Variants in UPF2 observed in about 807,000 individuals in gnomAD.
UPF2 encodes the protein UPF2 regulator of nonsense mediated mRNA decay.
Under a neutral mutation model 141.4 loss-of-function variants are expected in UPF2, and 17 were observed. That is an observed-to-expected ratio of 0.12 (90% CI 0.08 to 0.18). UPF2 has a LOEUF of 0.18. Ranked by LOEUF, UPF2 falls within the 10% of genes least tolerant of loss-of-function variation. UPF2 has a pLI of 1.00. For synonymous variants in UPF2, 540 were observed against 498.0 expected, an observed-to-expected ratio of 1.08 and a Z score of -1.12; for missense variants, 1,152 against 1,515.9, an observed-to-expected ratio of 0.76 and a Z score of 3.99.
In UPF2 at chr10:12,029,003, T is replaced by A; in HGVS notation, c.887A>T (p.Asn296Ile). The A allele has an allele frequency of 1.2e-6, 2 of 1,614,198 alleles. No homozygotes were observed. The highest frequency in any genetic ancestry group is 8.5e-7 in the Non-Finnish European group (1 of 1,180,040). Reference protein sequence around the residue: ...LIYEQLKNIINADRESHTHVS... With the variant: ...LIYEQLKNIIIADRESHTHVS... Reference sequence around the variant, plus strand: ...ATGAGTGTGGGACTCCCGATCAGCATTAATAATATTTTTTAGCTGTTCATA... The same window carrying A: ...ATGAGTGTGGGACTCCCGATCAGCAATAATAATATTTTTTAGCTGTTCATA... Residue 296 changes from asparagine to isoleucine, a missense_variant, in exon 3 of 22, where the codon AAT becomes ATT. Coordinates refer to ENST00000357604, the MANE Select transcript of UPF2 (RefSeq NM_015542.4).
In UPF2 at chr10:11,927,373, T is replaced by C. The variant is rs141582162; in HGVS notation, c.3809+2492A>G. ...TCAAGATATTATGCTGGTGCAAAAG[T>C]AATTGCAGTTTTTCCCATTACTTTT... On this transcript the variant is annotated intron_variant, in intron 21 of 21. Coordinates refer to ENST00000357604, the MANE Select transcript of UPF2 (RefSeq NM_015542.4). Among the ~76,000 whole-genome samples, 701 of 152,352 alleles carry C rather than the reference T, an allele frequency of 4.6e-3. 17 individuals are homozygous for C. Among genetic ancestry groups the C allele is most frequent in the East Asian group, 0.011 (55 of 5,190 alleles).
chr10:11,999,236 G>A (rs1252903783), intron 7 of UPF2, among the ~76,000 whole-genome samples: 1 of 152,012 alleles, frequency 6.6e-6, no homozygotes, highest in East Asian at 1.9e-4. Context: ...AACATCGGCC[G>A]GGTATGGTGG....
At chr10:12,003,663 C>T (rs986361496) in intron 5 of UPF2, among the ~76,000 whole-genome samples, 3 of 152,128 alleles carry the variant, frequency 2.0e-5, no homozygotes, top group African/African-American at 4.8e-5. Context: ...CGGTGGCTCA[C>T]GCCTGTAATC....
At position 11,959,606 on chromosome 10, in the gene UPF2, A is replaced by G. The variant is rs1833209145; in HGVS notation, c.2185-250T>C. On this transcript the variant is annotated intron_variant, in intron 11 of 21. Transcript: ENST00000357604. This position sits in a 1 kb window ranked among gnomAD's most constrained non-coding sequence, Gnocchi z 5.9. ...GAAACCCCATCTCTACAAAAGATAC[A>G]AAAATTAGCCAGGTGTGGTGGCGCA... Among the ~76,000 whole-genome samples the G allele has an allele frequency of 6.6e-6, 1 of 152,092 alleles. No individual in the cohort carries two copies. The highest frequency in any genetic ancestry group is 6.5e-5 in the Admixed American group (1 of 15,270).
chr10:11,946,323 A>G (rs1174604418), intron 16 of UPF2, among the ~76,000 whole-genome samples: 3 of 152,226 alleles, frequency 2.0e-5, no homozygotes, highest in African/African-American at 7.2e-5. Flanking sequence ...AACTTTAATC[A>G]CCTTAAATTA....
chr10:12,032,335 T>C (rs1834540294), intron 2 of UPF2, among the ~76,000 whole-genome samples: 1 of 151,396 alleles, frequency 6.6e-6, no homozygotes, highest in African/African-American at 2.4e-5. Context: ...AGAAAGTATG[T>C]ACATACATTA....
chr10:12,018,000 C>T (rs1156503245), intron 3 of UPF2, among the ~76,000 whole-genome samples: 1 of 152,162 alleles, frequency 6.6e-6, no homozygotes, highest in African/African-American at 2.4e-5. Flanking sequence ...AGTATGACTT[C>T]TGTTATATAT....
intron 1 of UPF2, among the ~76,000 whole-genome samples, chr10:12,041,926 C>T (rs929326044): frequency 1.3e-5 from 2 of 152,170 alleles, no homozygotes; most frequent in African/African-American, 4.8e-5. Context: ...GGTCCGATCA[C>T]CCCAGCGTGG....
At chr10:12,036,181 A>G (rs11814946) in intron 1 of UPF2, among the ~76,000 whole-genome samples, 2 of 152,206 alleles carry the variant, frequency 1.3e-5, no homozygotes, top group Admixed American at 6.5e-5. Context: ...CACCATTGAC[A>G]GTTTGGGCAA....
intron 3 of UPF2, among the ~76,000 whole-genome samples, chr10:12,028,269 T>C (rs1834455072): frequency 6.6e-6 from 1 of 152,206 alleles, no homozygotes. Context: ...ATTTTGTGCA[T>C]TATTTCCCAA....
chr10:11,960,860 G>C (rs1833228708), intron 11 of UPF2, among the ~76,000 whole-genome samples: 1 of 152,056 alleles, frequency 6.6e-6, no homozygotes, highest in Admixed American at 6.6e-5. Context: ...GGGAGGCCAA[G>C]ACAAGAGGAT....
chr10:11,961,145 G>C (rs903950932), intron 11 of UPF2, among the ~76,000 whole-genome samples: 1 of 151,678 alleles, frequency 6.6e-6, no homozygotes, highest in Non-Finnish European at 1.5e-5. Flanking sequence ...ACTATGGCAG[G>C]TGCGGGAAAC....
chr10:11,981,638 AC>A (rs1479897169), intron 8 of UPF2, among the ~76,000 whole-genome samples: 1 of 152,176 alleles, frequency 6.6e-6, no homozygotes, highest in African/African-American at 2.4e-5. Flanking sequence ...AGTAGGTCCC[AC>A]CACTCTCTAA....
rs796235762 is a variant in UPF2 at position 11,921,270 on chromosome 10, A to G, written c.*28T>C. On this transcript the variant is annotated 3_prime_UTR_variant, in exon 22 of 22. Transcript: ENST00000357604. This position sits in a 1 kb window ranked among gnomAD's most constrained non-coding sequence, Gnocchi z 5.9. ...CACTAACCACAACATCAGATACAGG[A>G]CCTAATGAAATGACACGTGCTGCTG... The G allele has an allele frequency of 4.3e-6, 7 of 1,614,082 alleles. 1 individual carries two copies. The African/African-American group carries it at 8.0e-5, about 18-fold the overall frequency.
chr10:12,004,772 T>C (rs1287001853), intron 4 of UPF2, 45 bp from the exon 5 acceptor site: 9 of 1,564,088 alleles, frequency 5.8e-6, no homozygotes, highest in South Asian at 4.7e-5. Context: ...CTTGAGGTTA[T>C]AGCATGATAA....
chr10:11,954,719 T>C (rs1291492244), intron 14 of UPF2, among the ~76,000 whole-genome samples: 3 of 149,120 alleles, frequency 2.0e-5, no homozygotes, highest in Non-Finnish European at 4.4e-5. Flanking sequence ...TTCATGCCTG[T>C]AATCCTAACA....
chr10:11,951,899 T>G (rs781640645), intron 15 of UPF2, 167 bp downstream of exon 15: 7 of 616,870 alleles, frequency 1.1e-5, no homozygotes, highest in African/African-American at 1.9e-5. Flanking sequence ...AATTACTTAG[T>G]GAAATCAAGC....
intron 3 of UPF2, among the ~76,000 whole-genome samples, chr10:12,022,708 TAAAC>T (rs1834340335): frequency 6.6e-6 from 1 of 152,176 alleles, no homozygotes; most frequent in South Asian, 2.1e-4. Flanking sequence ...AACTACCAAT[TAAAC>T]AACCTACCTG....
intron 4 of UPF2, 78 bp downstream of exon 4, chr10:12,013,946 C>T: frequency 4.5e-6 from 6 of 1,330,134 alleles, no homozygotes; most frequent in African/African-American, 1.5e-5. Flanking sequence ...ATTCTCAATA[C>T]TGCACATCTG....
Sources: allele counts gnomAD v4.1 joint callset (sites outside exome capture counted in the v4.1 genomes callset), GRCh38; gene constraint gnomAD v4.1.1; non-coding constraint Gnocchi (gnomAD v3.1); transcripts MANE v1.5; gene names NCBI Gene and HGNC (gene_info 2026-07-23, HGNC 2026-07-21).